The following EPHB1 variants were observed in gnomAD, a reference collection of about 807,000 sequenced individuals.
EPHB1 encodes EPH receptor B1.
Under a neutral mutation model 94.4 loss-of-function variants are expected in EPHB1, and 30 were observed. That is an observed-to-expected ratio of 0.32 (90% confidence interval 0.24 to 0.43). The LOEUF is 0.43. Among genes scored for constraint, EPHB1 ranks in the 20% least tolerant of loss-of-function variants. The pLI is 1.00. For missense variants in EPHB1, 1,055 were observed against 1,308.3 expected (o/e 0.81, Z 2.99); for synonymous variants, 522 against 489.1 (o/e 1.07, Z -0.89).
At chr3:134,932,447 T>C (rs943899263) in intron 2 of EPHB1, among the ~76,000 whole-genome samples, 40 of 152,128 alleles carry the variant, frequency 2.6e-4, no homozygotes, top group African/African-American at 9.7e-4. Flanking sequence ...CCGAACAAAA[T>C]CAATTACGAT....
At chr3:135,000,737 T>A (rs1405078040) in intron 3 of EPHB1, among the ~76,000 whole-genome samples, 1 of 152,154 alleles carries the variant, frequency 6.6e-6, no homozygotes, top group Non-Finnish European at 1.5e-5. Flanking sequence ...GCACATCAAT[T>A]ACACACATTT....
rs577059960 is a variant in EPHB1, at chr3:134,818,803, G to A, written c.58+23114G>A. 2.6e-3 allele frequency among the ~76,000 whole-genome samples: 400 copies of A among 152,296 alleles called. 2 individuals carry two copies. Among genetic ancestry groups the A allele is most frequent in the African/African-American group, 8.8e-3 (367 of 41,564 alleles). The stretch of plus-strand genomic sequence containing the variant: ...TGGTGGACGTTTGGGTTGGTTCCAC[G>A]ATTTTGGAATTCTGAATTGTGCTGC... On this transcript the variant is annotated intron_variant, in intron 1 of 15. Transcript: ENST00000398015.
chr3:135,161,118 A>G (rs978706972), intron 6 of EPHB1, among the ~76,000 whole-genome samples: 1 of 152,190 alleles, frequency 6.6e-6, no homozygotes, highest in Non-Finnish European at 1.5e-5. Flanking sequence ...GTTTAATAAG[A>G]TAAGTAGCAA....
chr3:135,157,500 T>C (rs1941388170), intron 6 of EPHB1, among the ~76,000 whole-genome samples: 1 of 152,230 alleles, frequency 6.6e-6, no homozygotes, highest in Non-Finnish European at 1.5e-5. Flanking sequence ...CTTAGTAATT[T>C]GTACTAATTA....
intron 12 of EPHB1, among the ~76,000 whole-genome samples, chr3:135,211,810 A>C (rs1022074634): frequency 4.6e-5 from 7 of 152,182 alleles, no homozygotes; most frequent in Admixed American, 2.0e-4. Flanking sequence ...ATGCCTGAGC[A>C]TACTTTTTTC....
Position 134,810,032 on chromosome 3 carries a change from A to G in EPHB1, c.58+14343A>G, listed in dbSNP as rs187112458. 2.0e-5 allele frequency among the ~76,000 whole-genome samples: 3 copies of G among 152,332 alleles called. No individual in the cohort carries two copies. The East Asian group carries it at 5.8e-4, about 29-fold the overall frequency. On this transcript the variant is annotated intron_variant, in intron 1 of 15. Transcript: ENST00000398015. The stretch of plus-strand genomic sequence containing the variant: ...GCTGCTTCCTAGTCCTTGCTCACAT[A>G]CTGCATCCTGCTAAGAGAGACCCAT...
intron 3 of EPHB1, among the ~76,000 whole-genome samples, chr3:135,065,283 C>T (rs1051112278): frequency 6.6e-6 from 1 of 152,134 alleles, no homozygotes; most frequent in Non-Finnish European, 1.5e-5. Flanking sequence ...GATGACCTGT[C>T]TAGTGCTGTC....
At chr3:135,222,924 G>A (rs1200131383) in intron 12 of EPHB1, among the ~76,000 whole-genome samples, 2 of 152,162 alleles carry the variant, frequency 1.3e-5, no homozygotes, top group African/African-American at 4.8e-5. Flanking sequence ...TCCTCCAAAT[G>A]CATTTTCTCC....
At chr3:135,138,159 G>C (rs184775048) in intron 5 of EPHB1, among the ~76,000 whole-genome samples, 1 of 152,160 alleles carries the variant, frequency 6.6e-6, no homozygotes, top group Non-Finnish European at 1.5e-5. Flanking sequence ...TATGGCCTGC[G>C]TGCCACTTCC....
chr3:135,224,083 C>G (rs1201278848), intron 12 of EPHB1, among the ~76,000 whole-genome samples: 1 of 152,158 alleles, frequency 6.6e-6, no homozygotes, highest in Non-Finnish European at 1.5e-5. Context: ...TATTGTGTTA[C>G]AATTGCCAAC....
At chr3:135,024,925 G>C (rs969945168) in intron 3 of EPHB1, among the ~76,000 whole-genome samples, 4 of 151,252 alleles carry the variant, frequency 2.6e-5, no homozygotes, top group Admixed American at 6.6e-5. Context: ...CTCTTATTTT[G>C]CTAATATCTA....
At chr3:134,924,653 T>G (rs1324369498) in intron 1 of EPHB1, among the ~76,000 whole-genome samples, 1 of 152,000 alleles carries the variant, frequency 6.6e-6, no homozygotes, top group Non-Finnish European at 1.5e-5. Context: ...AGCCCCAAAC[T>G]GGAAACAACA....
intron 3 of EPHB1, among the ~76,000 whole-genome samples, chr3:135,071,566 G>T (rs967299785): frequency 1.6e-4 from 25 of 152,136 alleles, no homozygotes; most frequent in African/African-American, 6.0e-4. Flanking sequence ...GTGGGCCCTG[G>T]GGATAGAAAA....
At chr3:134,946,252 G>A (rs1455790274) in intron 2 of EPHB1, among the ~76,000 whole-genome samples, 1 of 152,208 alleles carries the variant, frequency 6.6e-6, no homozygotes, top group East Asian at 1.9e-4. Flanking sequence ...TAAAAGCTCG[G>A]CTCTGATCGC....
chr3:135,092,058 A>G (rs1419107033), intron 3 of EPHB1, among the ~76,000 whole-genome samples: 2 of 152,232 alleles, frequency 1.3e-5, no homozygotes, highest in Non-Finnish European at 2.9e-5. Flanking sequence ...TTCTCAAAAG[A>G]AAAACACTTC....
intron 3 of EPHB1, among the ~76,000 whole-genome samples, chr3:135,006,409 T>C (rs1050944646): frequency 1.3e-5 from 2 of 152,188 alleles, no homozygotes; most frequent in Admixed American, 6.5e-5. Flanking sequence ...GTGGTGGTGA[T>C]ATAATATTGT....
chr3:135,161,281 A>T (rs1038226015), intron 6 of EPHB1, among the ~76,000 whole-genome samples: 15 of 152,198 alleles, frequency 9.9e-5, no homozygotes, highest in African/African-American at 3.4e-4. Flanking sequence ...AGAGTGACAG[A>T]CAGGAGAATG....
chr3:135,025,203 T>TTATC (rs1936116384), intron 3 of EPHB1, among the ~76,000 whole-genome samples: 2 of 122,624 alleles, frequency 1.6e-5, no homozygotes, highest in Non-Finnish European at 3.5e-5. Flanking sequence ...CAAAGAATAT[T>TTATC]TATTTATTTA....
chr3:135,251,494 A>G (rs1335107278), intron 15 of EPHB1, among the ~76,000 whole-genome samples: 1 of 152,236 alleles, frequency 6.6e-6, no homozygotes, highest in East Asian at 1.9e-4. Flanking sequence ...CCAAAAGGAA[A>G]GTGAAACTAT....
Sources: allele counts gnomAD v4.1 joint callset (sites outside exome capture counted in the v4.1 genomes callset), GRCh38; gene constraint gnomAD v4.1.1; transcripts MANE v1.5; gene names NCBI Gene and HGNC (gene_info 2026-07-23, HGNC 2026-07-21).